RGS7: variants seen among roughly 807,000 people sequenced by gnomAD.
RGS7 encodes regulator of G protein signaling 7, also known as regulator of G-protein signaling 7.
Under a neutral mutation model 81.1 loss-of-function variants are expected in RGS7, and 27 were observed. The ratio of observed to expected loss-of-function variants is 0.33; its 90% CI spans 0.25 to 0.46. The LOEUF (loss-of-function observed/expected upper bound fraction) is 0.46. RGS7 is among the 20% of genes least tolerant of loss of function. The pLI is 1.00. For synonymous variants in RGS7, 208 were observed against 207.7 expected (o/e 1.00, Z -0.01); for missense variants, 396 against 607.4 (o/e 0.65, Z 3.66).
rs186743440 is a variant in RGS7 at position 240,801,811 on chromosome 1, G to C, written c.1360-303C>G. Among the ~76,000 whole-genome samples, 61 of 152,224 alleles carry C rather than the reference G, an allele frequency of 4.0e-4. 1 individual carries two copies. Among genetic ancestry groups the C allele is most frequent in the Admixed American group, 2.6e-3 (39 of 15,272 alleles). ...AAGCCTTTATACTGACATTTGCAGA[G>C]CCTAAATATTTAAAAATCTAGCAGC... On this transcript the variant is annotated intron_variant, in intron 16 of 18. Coordinates refer to ENST00000440928, the MANE Select transcript of RGS7 (RefSeq NM_001364886.1).
chr1:241,353,184 T>G (rs970643971), intron 2 of RGS7, among the ~76,000 whole-genome samples: 1 of 152,242 alleles, frequency 6.6e-6, no homozygotes, highest in African/African-American at 2.4e-5. Context: ...AGCATTGTAA[T>G]CTAGTGTTTA....
chr1:240,938,607 A>T (rs2148384692), intron 4 of RGS7, among the ~76,000 whole-genome samples: 1 of 152,312 alleles, frequency 6.6e-6, no homozygotes, highest in African/African-American at 2.4e-5. Context: ...GCATTTTGCA[A>T]ACATTTCAAT....
At chr1:241,076,283 C>T (rs960237530) in intron 3 of RGS7, among the ~76,000 whole-genome samples, 6 of 152,098 alleles carry the variant, frequency 3.9e-5, no homozygotes, top group Non-Finnish European at 8.8e-5. Flanking sequence ...GAGTCCTTCC[C>T]GGGTTAACCC....
At chr1:241,081,718 T>C (rs1328073761) in intron 3 of RGS7, among the ~76,000 whole-genome samples, 1 of 152,196 alleles carries the variant, frequency 6.6e-6, no homozygotes, top group Non-Finnish European at 1.5e-5. Context: ...AGAGAGTACT[T>C]AAGGATAGGC....
chr1:241,173,214 T>A (rs1421181144), intron 2 of RGS7, among the ~76,000 whole-genome samples: 1 of 152,194 alleles, frequency 6.6e-6, no homozygotes, highest in East Asian at 1.9e-4. Flanking sequence ...TGTGACTCTG[T>A]GAACTCCATC....
chr1:241,215,935 CA>C (rs2074522748), intron 2 of RGS7, among the ~76,000 whole-genome samples: 1 of 152,110 alleles, frequency 6.6e-6, no homozygotes, highest in African/African-American at 2.4e-5. Flanking sequence ...AAATTGTTTT[CA>C]AAAAATAGAC....
chr1:240,970,544 G>A lies in RGS7; in HGVS notation c.226+12535C>T, dbSNP rs540962574. 1.6e-3 allele frequency among the ~76,000 whole-genome samples: 238 copies of A among 152,316 alleles called. 2 individuals are homozygous for A. The highest frequency in any genetic ancestry group is 5.5e-3 in the African/African-American group (229 of 41,558). ...ATAAGACAGTTGGTCCCAACAGGTT[G>A]GATGTGACGGGACTGCACTGGATGG... On this transcript the variant is annotated intron_variant, in intron 4 of 18. Coordinates refer to ENST00000440928, the MANE Select transcript of RGS7 (RefSeq NM_001364886.1).
At chr1:241,347,427 GTTCAGAGAC>G (rs911703092) in intron 2 of RGS7, among the ~76,000 whole-genome samples, 2 of 152,122 alleles carry the variant, frequency 1.3e-5, no homozygotes, top group Non-Finnish European at 2.9e-5. Flanking sequence ...TCCTTTAAAA[GTTCAGAGAC>G]TTAGACAAGA....
chr1:241,176,465 G>A (rs934099774), intron 2 of RGS7, among the ~76,000 whole-genome samples: 50 of 152,022 alleles, frequency 3.3e-4, no homozygotes, highest in African/African-American at 1.2e-3. Flanking sequence ...GAATCCTCAA[G>A]TGCATTTCCC....
At chr1:241,139,578 A>C (rs2067776426) in intron 2 of RGS7, among the ~76,000 whole-genome samples, 1 of 152,220 alleles carries the variant, frequency 6.6e-6, no homozygotes, top group Non-Finnish European at 1.5e-5. Flanking sequence ...AGAAACTGCC[A>C]AACCATTCTC....
chr1:240,995,848 G>C (rs780851214), intron 3 of RGS7, among the ~76,000 whole-genome samples: 2 of 150,822 alleles, frequency 1.3e-5, no homozygotes, highest in Non-Finnish European at 2.9e-5. Flanking sequence ...TCTTACGCTT[G>C]CTTGCTTTGG....
chr1:241,280,859 A>G (rs2078462582), intron 2 of RGS7, among the ~76,000 whole-genome samples: 1 of 152,248 alleles, frequency 6.6e-6, no homozygotes, highest in Admixed American at 6.5e-5. Flanking sequence ...CTAAATGCCT[A>G]AAGGACAAAA....
At chr1:241,068,427 CATCTTCT>C (rs138348526) in intron 3 of RGS7, among the ~76,000 whole-genome samples, 3,811 of 151,490 alleles carry the variant, frequency 0.025, 140 homozygotes, top group African/African-American at 0.075. Context: ...ACATCCTGAG[CATCTTCT>C]ATCAGCAGTC....
At chr1:241,232,149 A>G (rs974890424) in intron 2 of RGS7, among the ~76,000 whole-genome samples, 1 of 151,952 alleles carries the variant, frequency 6.6e-6, no homozygotes, top group Non-Finnish European at 1.5e-5. Flanking sequence ...ATAAAGGCTT[A>G]TTTTGGGATC....
intron 10 of RGS7, among the ~76,000 whole-genome samples, chr1:240,819,714 G>A (rs575339033): frequency 1.2e-4 from 19 of 152,280 alleles, no homozygotes; most frequent in Admixed American, 2.0e-4. Flanking sequence ...TTCCAGTCTG[G>A]CAACAGAGTG....
At chr1:241,242,306 GTAGATAGATAGA>G (rs58976335) in intron 2 of RGS7, among the ~76,000 whole-genome samples, 2,224 of 147,556 alleles carry the variant, frequency 0.015, 26 homozygotes, top group Non-Finnish European at 0.021. Context: ...CTATGGATGA[GTAGATAGATAGA>G]TAGATAGATA....
chr1:241,120,807 A>G (rs1052329364), intron 2 of RGS7, among the ~76,000 whole-genome samples: 1 of 152,128 alleles, frequency 6.6e-6, no homozygotes, highest in Non-Finnish European at 1.5e-5. Context: ...CACTCCTGAT[A>G]GCACAGCAGC....
intron 9 of RGS7, among the ~76,000 whole-genome samples, chr1:240,831,108 G>GAAATCTGCC (rs1693759547): frequency 6.6e-6 from 1 of 152,128 alleles, no homozygotes; most frequent in South Asian, 2.1e-4. Flanking sequence ...CCAGGAAAAT[G>GAAATCTGCC]AAATCTGCCA....
intron 2 of RGS7, among the ~76,000 whole-genome samples, chr1:241,117,522 C>G (rs1462682760): frequency 6.6e-6 from 1 of 152,156 alleles, no homozygotes; most frequent in Non-Finnish European, 1.5e-5. Context: ...ATGACTTCCT[C>G]TGGGAGGGAT....
Sources: gnomAD v4.1 joint callset for allele counts (sites outside exome capture counted in the v4.1 genomes callset) on GRCh38, gnomAD v4.1.1 for gene constraint, MANE v1.5 for transcripts, NCBI Gene and HGNC (gene_info 2026-07-23, HGNC 2026-07-21) for gene names.